The following GPC5 variants were observed in gnomAD, a reference collection of about 807,000 sequenced individuals.
GPC5 encodes glypican 5.
GPC5 carries 47 observed loss-of-function variants against 53.9 expected under a neutral mutation model. The ratio of observed to expected loss-of-function variants is 0.87; its 90% confidence interval spans 0.69 to 1.11. The LOEUF is 1.11. Ranked by LOEUF, GPC5 falls within the 50% of genes most tolerant of loss-of-function variation. The pLI is 0.00. For synonymous variants in GPC5, 286 were observed against 263.3 expected (o/e 1.09, Z -0.84); for missense variants, 748 against 713.1 (o/e 1.05, Z -0.56).
intron 5 of GPC5, among the ~76,000 whole-genome samples, chr13:91,785,207 A>G (rs1335392096): frequency 6.6e-6 from 1 of 152,158 alleles, no homozygotes; most frequent in Non-Finnish European, 1.5e-5. Context: ...AAACCCTTTG[A>G]ACTAGGTTTT....
At chr13:91,650,252 A>G (rs943879070) in intron 2 of GPC5, among the ~76,000 whole-genome samples, 1 of 152,178 alleles carries the variant, frequency 6.6e-6, no homozygotes, top group Non-Finnish European at 1.5e-5. Context: ...GGACAGTGTC[A>G]TCCTACCCTT....
At chr13:91,510,268 T>C (rs925019670) in intron 2 of GPC5, among the ~76,000 whole-genome samples, 13 of 152,192 alleles carry the variant, frequency 8.5e-5, no homozygotes, top group African/African-American at 3.1e-4. Context: ...GCTGCTCTAA[T>C]GTTTTAGATA....
intron 4 of GPC5, among the ~76,000 whole-genome samples, chr13:91,744,131 G>A (rs1304197717): frequency 2.0e-5 from 3 of 151,950 alleles, no homozygotes; most frequent in Non-Finnish European, 4.4e-5. Flanking sequence ...ATTTAAGTTA[G>A]GCCTTATATA....
chr13:92,724,969 T>C (rs978488206), intron 7 of GPC5, among the ~76,000 whole-genome samples: 1 of 149,334 alleles, frequency 6.7e-6, no homozygotes, highest in African/African-American at 2.5e-5. Flanking sequence ...GTGTCACCAG[T>C]CAGACCATGC....
intron 7 of GPC5, among the ~76,000 whole-genome samples, chr13:92,344,687 G>A (rs530287218): frequency 3.8e-4 from 58 of 152,252 alleles, no homozygotes; most frequent in African/African-American, 1.3e-3. Flanking sequence ...ACAACTGCAG[G>A]CAGGGTCTTA....
At chr13:92,325,245 A>G (rs2043243091) in intron 7 of GPC5, among the ~76,000 whole-genome samples, 1 of 152,022 alleles carries the variant, frequency 6.6e-6, no homozygotes, top group South Asian at 2.1e-4. Context: ...TTAAGTGGAT[A>G]TAGAAAGTTA....
intron 7 of GPC5, among the ~76,000 whole-genome samples, chr13:92,364,435 TA>T (rs2043591893): frequency 6.6e-6 from 1 of 151,820 alleles, no homozygotes; most frequent in Non-Finnish European, 1.5e-5. Flanking sequence ...CATTCAAGTT[TA>T]AAAGGCATTT....
intron 2 of GPC5, among the ~76,000 whole-genome samples, chr13:91,579,660 G>T (rs1193255699): frequency 3.4e-5 from 4 of 116,622 alleles, no homozygotes; most frequent in Non-Finnish European, 6.6e-5. Context: ...ATGGAGTTTC[G>T]CTCTGTCACC....
intron 7 of GPC5, among the ~76,000 whole-genome samples, chr13:92,213,249 C>A (rs1343750134): frequency 6.6e-6 from 1 of 152,040 alleles, no homozygotes; most frequent in Non-Finnish European, 1.5e-5. Flanking sequence ...ATGTGTTTTC[C>A]TTTGTATCAA....
intron 7 of GPC5, among the ~76,000 whole-genome samples, chr13:92,749,300 T>C (rs1333270373): frequency 1.3e-5 from 2 of 152,178 alleles, no homozygotes; most frequent in African/African-American, 4.8e-5. Flanking sequence ...ATGTATAATA[T>C]AATGTTTTAC....
At chr13:91,676,881 G>A (rs74948155) in intron 2 of GPC5, among the ~76,000 whole-genome samples, 2,386 of 152,292 alleles carry the variant, frequency 0.016, 68 homozygotes, top group African/African-American at 0.054. Flanking sequence ...GGATTAGGTA[G>A]GGTAGGGACA....
chr13:92,177,635 C>T (rs1255266206), intron 7 of GPC5, among the ~76,000 whole-genome samples: 2 of 151,972 alleles, frequency 1.3e-5, no homozygotes, highest in African/African-American at 4.8e-5. Context: ...TTCTTGCATC[C>T]CAGAAGCTTC....
chr13:91,958,850 T>C (rs1412832113), intron 6 of GPC5, among the ~76,000 whole-genome samples: 2 of 151,898 alleles, frequency 1.3e-5, no homozygotes, highest in South Asian at 2.1e-4. Context: ...AAACACAACA[T>C]ACTCAAATCT....
intron 7 of GPC5, among the ~76,000 whole-genome samples, chr13:92,346,427 A>G (rs1199791386): frequency 1.3e-5 from 2 of 152,204 alleles, no homozygotes; most frequent in Non-Finnish European, 2.9e-5. Context: ...GAACTCAGCT[A>G]GCAGCCCCAC....
At chr13:91,434,941 T>C (rs1879796356) in intron 1 of GPC5, among the ~76,000 whole-genome samples, 1 of 152,192 alleles carries the variant, frequency 6.6e-6, no homozygotes, top group South Asian at 2.1e-4. Context: ...TTTATTCTCT[T>C]TGAAGCAATT....
At chr13:92,148,040 T>C (rs2041881029) in intron 7 of GPC5, among the ~76,000 whole-genome samples, 1 of 152,126 alleles carries the variant, frequency 6.6e-6, no homozygotes, top group Admixed American at 6.6e-5. Context: ...AATGCACCAC[T>C]ATTTCTTCAT....
At chr13:92,787,664 C>A (rs1467167941) in intron 7 of GPC5, among the ~76,000 whole-genome samples, 22 of 60,488 alleles carry the variant, frequency 3.6e-4, no homozygotes, top group African/African-American at 2.1e-3. Context: ...GACCTCATAG[C>A]TACAAAAAAA....
chr13:91,785,519 T>C (rs1451273658), intron 5 of GPC5, among the ~76,000 whole-genome samples: 1 of 152,194 alleles, frequency 6.6e-6, no homozygotes, highest in Admixed American at 6.5e-5. Context: ...ACATATTTAT[T>C]TTACTAACCC....
chr13:92,327,540 A>G (rs760714044), intron 7 of GPC5, among the ~76,000 whole-genome samples: 6 of 152,200 alleles, frequency 3.9e-5, no homozygotes, highest in African/African-American at 1.4e-4. Context: ...AAAATGGTGC[A>G]TCTGCTGGAG....
Sources: allele counts gnomAD v4.1 joint callset (sites outside exome capture counted in the v4.1 genomes callset), GRCh38; gene constraint gnomAD v4.1.1; transcripts MANE v1.5; gene names NCBI Gene and HGNC (gene_info 2026-07-23, HGNC 2026-07-21).